SEMA3D: variants seen among roughly 807,000 people sequenced by gnomAD.
SEMA3D encodes semaphorin 3D.
SEMA3D carries 84 observed loss-of-function variants against 100.1 expected under a neutral mutation model. That is an observed-to-expected ratio of 0.84 (90% CI 0.70 to 1.01). The LOEUF is 1.01. SEMA3D is among the 50% of genes least tolerant of loss of function. The pLI is 0.00. For missense variants in SEMA3D, 875 were observed against 934.1 expected, an observed-to-expected ratio of 0.94 and a Z score of 0.82; for synonymous variants, 312 against 320.7, an observed-to-expected ratio of 0.97 and a Z score of 0.29.
intron 3 of SEMA3D, among the ~76,000 whole-genome samples, chr7:85,109,728 A>G (rs1260839575): frequency 6.6e-6 from 1 of 151,998 alleles, no homozygotes; most frequent in African/African-American, 2.4e-5. Flanking sequence ...CATTATTTTT[A>G]AAACTGTCAT....
intron 12 of SEMA3D, among the ~76,000 whole-genome samples, chr7:85,036,525 G>A (rs1369690073): frequency 2.6e-5 from 4 of 152,022 alleles, no homozygotes; most frequent in African/African-American, 4.8e-5. Context: ...TAGAAGACTC[G>A]AGCTATCTGC....
At chr7:85,025,082 G>GT (rs1758991216) in intron 12 of SEMA3D, among the ~76,000 whole-genome samples, 1 of 151,936 alleles carries the variant, frequency 6.6e-6, no homozygotes, top group South Asian at 2.1e-4. Flanking sequence ...AATCTAGTGG[G>GT]TTTTTCTCCG....
chr7:85,233,965 C>T, the SEMA3D span, among the ~76,000 whole-genome samples: 1 of 152,096 alleles, frequency 6.6e-6, no homozygotes, highest in Non-Finnish European at 1.5e-5. Context: ...CTGTCTATAA[C>T]CTGAATGAAG....
chr7:85,140,261 T>A (rs1220054362), intron 2 of SEMA3D: 1 of 905,038 alleles, frequency 1.1e-6, no homozygotes. Flanking sequence ...TAAATAAGAC[T>A]TCTGCATTTT....
At chr7:85,093,966 G>T (rs1343855057) in intron 4 of SEMA3D, among the ~76,000 whole-genome samples, 1 of 151,914 alleles carries the variant, frequency 6.6e-6, no homozygotes, top group African/African-American at 2.4e-5. Flanking sequence ...GCCTTGGAGA[G>T]CAAAAGGTGA....
At chr7:85,069,253 A>C (rs780793436) in intron 6 of SEMA3D, among the ~76,000 whole-genome samples, 3 of 152,196 alleles carry the variant, frequency 2.0e-5, no homozygotes, top group African/African-American at 7.2e-5. Flanking sequence ...GACAGAGAAA[A>C]TTATGTGTTA....
Position 85,083,013 on chromosome 7 carries a change from T to C in SEMA3D, c.313-1434A>G, listed in dbSNP as rs144789584. ...CTTTAAATAGTAGCCAGCAGTCAAA[T>C]ATCAGTGAGCTGCAGCAATGAAAAG... is the stretch of plus-strand genomic sequence containing the variant. On this transcript the variant is annotated intron_variant, in intron 4 of 18. Coordinates refer to ENST00000284136, the MANE Select transcript of SEMA3D (RefSeq NM_001384900.1). Among the ~76,000 whole-genome samples the C allele has an allele frequency of 3.9e-5, 6 of 152,338 alleles. 1 individual carries two copies. In the East Asian group the frequency reaches 1.2e-3, roughly 29 times the overall value.
chr7:85,146,558 A>AT (rs964480191), intron 2 of SEMA3D, among the ~76,000 whole-genome samples: 2 of 151,400 alleles, frequency 1.3e-5, no homozygotes, highest in African/African-American at 4.9e-5. Flanking sequence ...CATCTAAAAA[A>AT]AAATATATAT....
At chr7:85,214,274 G>C in the SEMA3D span, among the ~76,000 whole-genome samples, 1 of 151,850 alleles carries the variant, frequency 6.6e-6, no homozygotes, top group Non-Finnish European at 1.5e-5. Context: ...ACTTTTCTTT[G>C]GTACTAACAC....
At chr7:85,223,129 G>T in the SEMA3D span, among the ~76,000 whole-genome samples, 1 of 151,954 alleles carries the variant, frequency 6.6e-6, no homozygotes, top group Non-Finnish European at 1.5e-5. Flanking sequence ...ATTCCTGCAA[G>T]AATGGCCACA....
Position 84,999,454 on chromosome 7 carries a change from C to T in SEMA3D, c.2320G>A (p.Ala774Thr). 6.2e-7 allele frequency: 1 copy of T among 1,613,826 alleles called. No homozygotes were observed. Among genetic ancestry groups the T allele is most frequent in the Non-Finnish European group, 8.5e-7 (1 of 1,179,832 alleles). Residue 774 changes from alanine to threonine, a missense_variant, in exon 19 of 19, where the codon GCT becomes ACT. Physicochemically the swap from Ala to Thr is moderately conservative, Grantham distance 58. Coordinates refer to ENST00000284136, the MANE Select transcript of SEMA3D (RefSeq NM_001384900.1). ...TAAGTAGAAAACTACGTGGCTACAG[C>T]TCTAGGGAGCTCATCCAGGTCTCTG... ...HHRDLDELPR[A>T]VAT
chr7:85,093,043 G>A (rs1379804882), intron 4 of SEMA3D, among the ~76,000 whole-genome samples: 1 of 152,040 alleles, frequency 6.6e-6, no homozygotes, highest in African/African-American at 2.4e-5. Context: ...ATCTTTGTAA[G>A]TCTTTCCAAA....
intron 8 of SEMA3D, among the ~76,000 whole-genome samples, chr7:85,058,223 T>C (rs1195172940): frequency 1.3e-5 from 2 of 152,100 alleles, no homozygotes; most frequent in African/African-American, 4.8e-5. Context: ...CAAAAATATA[T>C]AAAAATAAAA....
rs1791656417 is a variant in SEMA3D at position 85,067,320 on chromosome 7, C to T, written c.589+871G>A. On this transcript the variant is annotated intron_variant, in intron 7 of 18. Coordinates refer to ENST00000284136, the MANE Select transcript of SEMA3D (RefSeq NM_001384900.1). ...TTTTTTATTAAGGGTATGCCAACTC[C>T]ATTTCACAGAGCAGAATCACAAACC... 2.0e-5 allele frequency among the ~76,000 whole-genome samples: 3 copies of T among 152,068 alleles called. 1 individual carries two copies. In the South Asian group the frequency reaches 6.2e-4, roughly 32 times the overall value.
rs1158852583 is a variant in SEMA3D at position 84,999,233 on chromosome 7, C to G, written c.*207G>C. The G allele has an allele frequency of 1.8e-6, 1 of 560,968 alleles. No individual in the cohort carries two copies. The highest frequency in any genetic ancestry group is 3.1e-6 in the Non-Finnish European group (1 of 317,514). The allele number at this position is 560,968 out of a possible 1,614,324, so 34.7% of individuals were successfully genotyped here. A position where few individuals can be genotyped will look rare whatever the true frequency, so the allele number is the denominator to read the frequency against. On this transcript the variant is annotated 3_prime_UTR_variant, in exon 19 of 19. Coordinates refer to ENST00000284136, the MANE Select transcript of SEMA3D (RefSeq NM_001384900.1). The stretch of plus-strand genomic sequence containing the variant: ...TTTTTAGGATAATTCTTATACTTTG[C>G]TTGTGCAAGATTTGTTCTTGGAAAA...
At chr7:85,194,145 GCAAA>G in the SEMA3D span, among the ~76,000 whole-genome samples, 1 of 152,088 alleles carries the variant, frequency 6.6e-6, no homozygotes, top group East Asian at 1.9e-4. Flanking sequence ...TATGTTATCT[GCAAA>G]CAAAGATAGT....
chr7:85,018,288 T>A lies in SEMA3D; in HGVS notation c.1509A>T (p.Ser503=). ...ACAATTCCATGTTCAAGATGATTGA[T>A]GAGTGCTGAAAATAGAAGTTAAATG... The part of the protein sequence containing the change: ...VLEELQIFKH[S]SIILNMELSL... Residue 503 remains serine (S), a synonymous_variant, in exon 15 of 19, where the codon TCA becomes TCT. Transcript: ENST00000284136. The A allele has an allele frequency of 6.3e-7, 1 of 1,589,178 alleles. No homozygotes were observed. Among genetic ancestry groups the A allele is most frequent in the Non-Finnish European group, 8.6e-7 (1 of 1,158,828 alleles).
chr7:85,209,534 C>A, the SEMA3D span, among the ~76,000 whole-genome samples: 1 of 151,980 alleles, frequency 6.6e-6, no homozygotes, highest in African/African-American at 2.4e-5. Context: ...CTGTTTCTCA[C>A]TAATCGATTA....
intron 5 of SEMA3D, among the ~76,000 whole-genome samples, chr7:85,081,013 A>G (rs546913994): frequency 6.6e-6 from 1 of 152,314 alleles, no homozygotes; most frequent in African/African-American, 2.4e-5. Flanking sequence ...GAATGCTGTC[A>G]TTCATTATTA....
Sources: gnomAD v4.1 joint callset for allele counts (sites outside exome capture counted in the v4.1 genomes callset) on GRCh38, gnomAD v4.1.1 for gene constraint, MANE v1.5 for transcripts, NCBI Gene and HGNC (gene_info 2026-07-23, HGNC 2026-07-21) for gene names.